Variants in RARB observed in about 807,000 individuals in gnomAD.
RARB encodes the protein HBV-activated protein.
RARB carries 17 observed loss-of-function variants against 51.9 expected under a neutral mutation model. That is an observed-to-expected ratio of 0.33 (90% CI 0.22 to 0.49). RARB has a LOEUF of 0.49. Ranked by LOEUF, RARB falls within the 20% of genes least tolerant of loss-of-function variation. RARB has a pLI of 0.99. For synonymous variants in RARB, 215 were observed against 195.4 expected (o/e 1.10, Z -0.84); for missense variants, 369 against 550.8 (o/e 0.67, Z 3.30).
At chr3:25,231,660 T>G (rs1282620601) in intron 5 of RARB, among the ~76,000 whole-genome samples, 1 of 152,176 alleles carries the variant, frequency 6.6e-6, no homozygotes, top group Non-Finnish European at 1.5e-5. Flanking sequence ...GGTTTAAATT[T>G]GCATTTCCTG....
intron 2 of RARB, among the ~76,000 whole-genome samples, chr3:24,982,049 C>A: frequency 6.6e-6 from 1 of 152,172 alleles, no homozygotes; most frequent in East Asian, 1.9e-4. Context: ...CTCTTTGGGT[C>A]CTGGCCAGCC....
chr3:25,396,574 T>A (rs1707120022), intron 5 of RARB, among the ~76,000 whole-genome samples: 1 of 152,056 alleles, frequency 6.6e-6, no homozygotes, highest in African/African-American at 2.4e-5. Flanking sequence ...GTATTCAAGT[T>A]AGTAGGTAGG....
rs1695089049 is a variant in RARB at position 24,915,555 on chromosome 3, A to G, written c.-380+56803A>G. ...ATTGCTAGGAAATCATGCCTGATCC[A>G]TTGGAGAAATTTTGAACTAGAGATA... is the stretch of plus-strand genomic sequence containing the variant. On this transcript the variant is annotated intron_variant, in intron 2 of 11. Coordinates refer to the RARB transcript ENST00000383772. Among the ~76,000 whole-genome samples, 3 of 152,208 alleles carry G rather than the reference A, an allele frequency of 2.0e-5. No individual in the cohort carries two copies. The South Asian group carries it at 6.2e-4, about 31-fold the overall frequency.
intron 5 of RARB, among the ~76,000 whole-genome samples, chr3:25,229,098 G>A (rs1702120221): frequency 6.6e-6 from 1 of 152,060 alleles, no homozygotes; most frequent in Non-Finnish European, 1.5e-5. Flanking sequence ...CCTTCAGAAA[G>A]ATCTATATCC....
intron 2 of RARB, among the ~76,000 whole-genome samples, chr3:25,006,774 C>G (rs1697280410): frequency 1.3e-5 from 2 of 152,114 alleles, no homozygotes; most frequent in African/African-American, 4.8e-5. Flanking sequence ...CACTGTTACT[C>G]CAGGAGTAGA....
chr3:25,193,760 G>T (rs1208496523), intron 5 of RARB, among the ~76,000 whole-genome samples: 2 of 151,834 alleles, frequency 1.3e-5, no homozygotes, highest in African/African-American at 4.8e-5. Flanking sequence ...GAAAGAAAAT[G>T]TTCAAATGGA....
At chr3:25,443,442 A>G (rs1020189592) in intron 1 of RARB, among the ~76,000 whole-genome samples, 2 of 150,194 alleles carry the variant, frequency 1.3e-5, no homozygotes, top group African/African-American at 4.9e-5. Flanking sequence ...GCCTATCCCT[A>G]GAAATGGTGT....
intron 2 of RARB, among the ~76,000 whole-genome samples, chr3:24,897,064 C>T (rs1461546713): frequency 2.0e-5 from 3 of 152,322 alleles, no homozygotes; most frequent in South Asian, 2.1e-4. Context: ...TCCCTGAAGT[C>T]TGTCTCTGAC....
At chr3:25,106,717 ACTTT>A (rs1055017619) in intron 3 of RARB, among the ~76,000 whole-genome samples, 6 of 151,116 alleles carry the variant, frequency 4.0e-5, no homozygotes, top group Non-Finnish European at 8.8e-5. Flanking sequence ...ACACTTTCCT[ACTTT>A]CTTAAGCAGA....
At position 25,184,280 on chromosome 3, in the gene RARB, C is replaced by A. The variant is rs114324946; in HGVS notation, c.178+9705C>A. Among the ~76,000 whole-genome samples, 845 of 151,840 alleles carry A rather than the reference C, an allele frequency of 5.6e-3. 12 individuals carry two copies. The highest frequency in any genetic ancestry group is 0.019 in the African/African-American group (795 of 41,430). ...CCCATAAGCTTTGCAAATGTTCAGA[C>A]AAAATTAAAAAAATAGGGCATTTTG... On this transcript the variant is annotated intron_variant, in intron 5 of 11. Transcript: ENST00000383772.
chr3:25,037,148 C>T (rs1234545269), intron 2 of RARB, among the ~76,000 whole-genome samples: 1 of 152,064 alleles, frequency 6.6e-6, no homozygotes, highest in Non-Finnish European at 1.5e-5. Context: ...ATTGTTTGGA[C>T]TGTAGAGTGT....
chr3:25,418,285 A>AT lies in RARB; in HGVS notation c.179-42900dup, dbSNP rs954962301. Among the ~76,000 whole-genome samples the AT allele has an allele frequency of 3.3e-4, 50 of 152,014 alleles. No homozygotes were observed. In the East Asian group the frequency reaches 4.3e-3, roughly 13 times the overall value. ...AGTAGTAGAAAGAGGTAAAAATATA[A>AT]TTTTTTTTGTCTATTTCTATCGAAT... is the stretch of plus-strand genomic sequence containing the variant. On this transcript the variant is annotated intron_variant, in intron 5 of 11. Coordinates refer to the RARB transcript ENST00000383772.
intron 4 of RARB, among the ~76,000 whole-genome samples, chr3:25,136,011 C>A (rs1700027363): frequency 6.6e-6 from 1 of 151,960 alleles, no homozygotes. Flanking sequence ...GAGGAATAAG[C>A]AACATTCACA....
chr3:25,249,681 ATTTTTT>A (rs775744919), intron 5 of RARB, among the ~76,000 whole-genome samples: 1 of 95,284 alleles, frequency 1.0e-5, no homozygotes, highest in Non-Finnish European at 2.1e-5. Flanking sequence ...TCTCTGTATG[ATTTTTT>A]TTTTTTTTTT....
chr3:25,171,649 A>AAAAAAAAAAAAAC (rs1453874297), intron 4 of RARB, among the ~76,000 whole-genome samples: 7 of 146,756 alleles, frequency 4.8e-5, no homozygotes, highest in Non-Finnish European at 9.0e-5. Context: ...TTGGTAAAAA[A>AAAAAAAAAAAAAC]AAAAAAAAAA....
At chr3:25,581,593 G>A (rs1016451330) in intron 5 of RARB, among the ~76,000 whole-genome samples, 5 of 152,294 alleles carry the variant, frequency 3.3e-5, no homozygotes, top group Admixed American at 6.5e-5. Context: ...GCCCACAGAC[G>A]TGCTATGACT....
intron 5 of RARB, among the ~76,000 whole-genome samples, chr3:25,238,047 T>C (rs993042926): frequency 1.3e-5 from 2 of 152,338 alleles, no homozygotes; most frequent in African/African-American, 2.4e-5. Flanking sequence ...TTTTGAAATA[T>C]ACAACACATT....
At chr3:25,164,197 G>C (rs532699618) in intron 4 of RARB, among the ~76,000 whole-genome samples, 4 of 152,324 alleles carry the variant, frequency 2.6e-5, no homozygotes, top group African/African-American at 7.2e-5. Flanking sequence ...GAAGGTAGTA[G>C]GGGTGGGTGT....
intron 5 of RARB, among the ~76,000 whole-genome samples, chr3:25,403,715 A>T (rs1707327036): frequency 6.6e-6 from 1 of 151,996 alleles, no homozygotes; most frequent in African/African-American, 2.4e-5. Context: ...TAACTTTTTC[A>T]GCTTTTTGGA....
Sources: allele counts gnomAD v4.1 joint callset (sites outside exome capture counted in the v4.1 genomes callset), GRCh38; gene constraint gnomAD v4.1.1; transcripts MANE v1.5; gene names NCBI Gene and HGNC (gene_info 2026-07-23, HGNC 2026-07-21).